MAJIN: variants seen among roughly 807,000 people sequenced by gnomAD.
MAJIN encodes membrane-anchored junction protein.
In MAJIN, 27 loss-of-function variants were observed where a neutral mutation model predicts 30.2. That is an observed-to-expected ratio of 0.89 (90% CI 0.66 to 1.23). The LOEUF is 1.23. Among genes scored for constraint, MAJIN ranks in the 50% most tolerant of loss-of-function variants. MAJIN has a pLI of 0.00. For synonymous variants in MAJIN, 78 were observed against 91.6 expected (o/e 0.85, Z 0.85); for missense variants, 253 against 260.3 (o/e 0.97, Z 0.19).
At chr11:64,970,445 C>A (rs1156490876) in intron 1 of MAJIN, among the ~76,000 whole-genome samples, 1 of 135,612 alleles carries the variant, frequency 7.4e-6, no homozygotes, top group Non-Finnish European at 1.6e-5. Context: ...TGGCTCACTG[C>A]AACCTCCACC....
rs1945325849 is a variant in MAJIN at position 64,938,703 on chromosome 11, A to T, written c.*2-130T>A. The T allele has an allele frequency of 3.0e-6, 3 of 1,009,008 alleles. No individual in the cohort carries two copies. The African/African-American group carries it at 4.8e-5, about 16-fold the overall frequency. The allele number at this position is 1,009,008 out of a possible 1,614,324, so 62.5% of individuals were successfully genotyped here. A position where few individuals can be genotyped will look rare whatever the true frequency, so the allele number is the denominator to read the frequency against. ...ACCATTGAATGGAAATTCAAGACTG[A>T]ATAGCATTTGAAAAGGTACCCAAAT... is the stretch of plus-strand genomic sequence containing the variant. On this transcript the variant is annotated intron_variant, in intron 10 of 10. Transcript: ENST00000301896.
chr11:64,959,496 A>T, intron 2 of MAJIN, 74 bp from the exon 3 acceptor site: 1 of 1,096,878 alleles, frequency 9.1e-7, no homozygotes, highest in Non-Finnish European at 1.4e-6. Flanking sequence ...AACCTGCCCA[A>T]TCTGTAACAT....
chr11:64,969,221 G>A (rs564997151), intron 1 of MAJIN, among the ~76,000 whole-genome samples: 1 of 152,284 alleles, frequency 6.6e-6, no homozygotes, highest in East Asian at 1.9e-4. Context: ...AGGCCTATGA[G>A]ACATCCAAGT....
At chr11:64,969,753 C>T (rs1945868732) in intron 1 of MAJIN, among the ~76,000 whole-genome samples, 1 of 151,386 alleles carries the variant, frequency 6.6e-6, no homozygotes, top group East Asian at 1.9e-4. Context: ...TGCAGTGGTG[C>T]GATCTTGGCT....
At chr11:64,940,529 G>T (rs1328332785) in intron 9 of MAJIN, 45 bp downstream of exon 9, 1 of 1,565,678 alleles carries the variant, frequency 6.4e-7, no homozygotes, top group South Asian at 1.1e-5. Context: ...ACAAGGGAAA[G>T]GGTGATTATT....
At chr11:64,948,626 T>TC (rs1565127065) in intron 6 of MAJIN, among the ~76,000 whole-genome samples, 10 of 48,914 alleles carry the variant, frequency 2.0e-4, no homozygotes, top group East Asian at 1.7e-3. Context: ...TATATATATA[T>TC]ATATATATAT....
rs551760263 is a variant in MAJIN at position 64,938,561 on chromosome 11, C to T, written c.*14G>A. The T allele has an allele frequency of 3.5e-4, 534 of 1,535,752 alleles. No individual in the cohort carries two copies. Among genetic ancestry groups the T allele is most frequent in the Middle Eastern group, 6.7e-4 (4 of 5,972 alleles). On this transcript the variant is annotated 3_prime_UTR_variant, in exon 11 of 11. Transcript: ENST00000301896. ...TGCTCTTCCTGAAGAAATATCGAAA[C>T]GGGAAGAGAGAGCTGCAAGAATGAG...
intron 10 of MAJIN, among the ~76,000 whole-genome samples, chr11:64,939,285 G>A (rs1945336834): frequency 6.6e-6 from 1 of 152,102 alleles, no homozygotes; most frequent in South Asian, 2.1e-4. Flanking sequence ...ATTTTTAGTA[G>A]AGATGGGCTT....
chr11:64,944,422 C>A (rs1484264608), intron 8 of MAJIN, among the ~76,000 whole-genome samples: 1 of 152,220 alleles, frequency 6.6e-6, no homozygotes, highest in Admixed American at 6.5e-5. Flanking sequence ...ATCCCTGGTA[C>A]TTGGCACATA....
At chr11:64,965,316 G>C (rs1220139131) in intron 1 of MAJIN, among the ~76,000 whole-genome samples, 1 of 152,090 alleles carries the variant, frequency 6.6e-6, no homozygotes, top group Non-Finnish European at 1.5e-5. Flanking sequence ...CTTGTTTGGG[G>C]GTAGGGGGGA....
rs1031687633 is a variant in MAJIN, at chr11:64,940,576, T to G, written c.544A>C (p.Lys182Gln). 15 of 1,613,116 alleles carry G rather than the reference T, an allele frequency of 9.3e-6. No individual in the cohort carries two copies. The highest frequency in any genetic ancestry group is 1.2e-5 in the Non-Finnish European group (14 of 1,179,220). ...AATGGAAATTTCCCAGGACCTACCT[T>G]GTTTCTGGACATCAGTGATATCAGA... ...WPLISLMSRN[K>Q]ILSGDTACQG... Residue 182 changes from lysine to glutamine, a missense_variant and splice_region_variant, in exon 9 of 11, where the codon AAG (lysine) becomes CAG (glutamine). Transcript: ENST00000301896.
chr11:64,965,741 G>C lies in MAJIN; in HGVS notation c.-64-5606C>G, dbSNP rs898911730. The stretch of plus-strand genomic sequence containing the variant: ...GGAGGCCGAGGCGGGCTGATCACGA[G>C]GTCAGGAGATCGATACTATCCTGGC... On this transcript the variant is annotated intron_variant, in intron 1 of 10. Transcript: ENST00000301896. 2.3e-4 allele frequency among the ~76,000 whole-genome samples: 35 copies of C among 152,080 alleles called. 1 individual carries two copies. Among genetic ancestry groups the C allele is most frequent in the Admixed American group, 2.2e-3 (34 of 15,244 alleles).
chr11:64,954,397 A>G (rs1483478484), intron 4 of MAJIN: 1 of 391,228 alleles, frequency 2.6e-6, no homozygotes, highest in East Asian at 6.0e-5. Context: ...CCTGAACGTC[A>G]AGTACCAGGC....
chr11:64,968,092 C>G (rs1469285669), intron 1 of MAJIN, among the ~76,000 whole-genome samples: 4 of 151,588 alleles, frequency 2.6e-5, no homozygotes, highest in Admixed American at 1.3e-4. Context: ...ACAGAAAGGT[C>G]AATGTGGCTA....
At chr11:64,965,560 G>C (rs1227253780) in intron 1 of MAJIN, among the ~76,000 whole-genome samples, 1 of 152,030 alleles carries the variant, frequency 6.6e-6, no homozygotes, top group Non-Finnish European at 1.5e-5. Context: ...TGGCCAAAAG[G>C]TCCAGGATGT....
At chr11:64,967,355 G>A (rs980221120) in intron 1 of MAJIN, among the ~76,000 whole-genome samples, 1 of 152,092 alleles carries the variant, frequency 6.6e-6, no homozygotes, top group East Asian at 1.9e-4. Context: ...GCAATGAGCC[G>A]AGATGATACC....
chr11:64,967,377 G>T (rs1945828428), intron 1 of MAJIN, among the ~76,000 whole-genome samples: 2 of 152,058 alleles, frequency 1.3e-5, no homozygotes, highest in South Asian at 4.1e-4. Context: ...TTGCACTCCA[G>T]CTTGGGCAAC....
At chr11:64,949,183 A>G (rs1945509874) in intron 6 of MAJIN, among the ~76,000 whole-genome samples, 2 of 148,812 alleles carry the variant, frequency 1.3e-5, no homozygotes, top group South Asian at 2.1e-4. Flanking sequence ...AAAAAAAATT[A>G]GCCGGGGATG....
intron 1 of MAJIN, among the ~76,000 whole-genome samples, chr11:64,961,022 C>T (rs371866464): frequency 6.6e-6 from 1 of 152,196 alleles, no homozygotes; most frequent in Non-Finnish European, 1.5e-5. Flanking sequence ...TGCCCCATAC[C>T]AAAGGCATGG....
Sources: gnomAD v4.1 joint callset for allele counts (sites outside exome capture counted in the v4.1 genomes callset) on GRCh38, gnomAD v4.1.1 for gene constraint, MANE v1.5 for transcripts, NCBI Gene and HGNC (gene_info 2026-07-23, HGNC 2026-07-21) for gene names.